RYR3: variants seen among roughly 807,000 people sequenced by gnomAD.
RYR3 encodes the protein brain ryanodine receptor-calcium release channel.
RYR3 carries 207 observed loss-of-function variants against 584.3 expected under a neutral mutation model. That is an observed-to-expected ratio of 0.35 (90% CI 0.32 to 0.40). RYR3 has a LOEUF of 0.40. RYR3 is among the 10% of genes least tolerant of loss of function. The pLI is 1.00. For missense variants in RYR3, 5,616 were observed against 6,089.2 expected, an observed-to-expected ratio of 0.92 and a Z score of 2.59; for synonymous variants, 2,416 against 2,248.5, an observed-to-expected ratio of 1.07 and a Z score of -2.11.
At chr15:33,725,986 A>AGCC (rs1567034042) in intron 45 of RYR3, among the ~76,000 whole-genome samples, 2 of 136,778 alleles carry the variant, frequency 1.5e-5, no homozygotes, top group East Asian at 4.1e-4. Context: ...CAAAAAAAAA[A>AGCC]AAAAAAAAAA....
chr15:33,477,799 C>T (rs1180428846), intron 2 of RYR3, among the ~76,000 whole-genome samples: 4 of 123,152 alleles, frequency 3.2e-5, no homozygotes, highest in Non-Finnish European at 4.6e-5. Flanking sequence ...GGCATGAACC[C>T]GGGAGGCGGA....
At chr15:33,442,489 A>T (rs2046309765) in intron 1 of RYR3, among the ~76,000 whole-genome samples, 1 of 152,228 alleles carries the variant, frequency 6.6e-6, no homozygotes, top group African/African-American at 2.4e-5. Context: ...CTATTTGAGA[A>T]TTTCGGTATG....
At chr15:33,649,449 G>A (rs2062324824) in intron 31 of RYR3, among the ~76,000 whole-genome samples, 1 of 152,204 alleles carries the variant, frequency 6.6e-6, no homozygotes, top group South Asian at 2.1e-4. Flanking sequence ...TGTATAAATC[G>A]TGACCCAGAG....
intron 94 of RYR3, chr15:33,852,253 C>CG (rs1270488679): frequency 1.3e-5 from 2 of 152,164 alleles, no homozygotes; most frequent in East Asian, 1.9e-4. Flanking sequence ...GGAACCCCCC[C>CG]ACAGGAAGGA....
intron 1 of RYR3, among the ~76,000 whole-genome samples, chr15:33,472,917 C>T (rs143823609): frequency 5.3e-5 from 8 of 152,196 alleles, no homozygotes; most frequent in Non-Finnish European, 7.4e-5. Flanking sequence ...GGCAAATATG[C>T]GGCCCACGAC....
At chr15:33,807,717 C>G (rs1401578963) in intron 70 of RYR3, 148 bp downstream of exon 70, 6 of 788,252 alleles carry the variant, frequency 7.6e-6, no homozygotes, top group Non-Finnish European at 1.1e-5. Flanking sequence ...GGGAAGACAA[C>G]TGCCTGTCAA....
Position 33,785,826 on chromosome 15 carries a change from T to A in RYR3, c.9433T>A (p.Trp3145Arg). Residue 3145 changes from tryptophan to arginine, a missense_variant, in exon 66 of 104, where the codon TGG becomes AGG. By Grantham distance (101) the Trp-to-Arg change is moderately radical (BLOSUM62 -3). Transcript: ENST00000634891. ...CATGCTCTGCAACTACTTGTCCTAC[T>A]GGTGGGAGCGGGGTCCTGAGAACCT... is the stretch of plus-strand genomic sequence containing the variant. The part of the protein sequence containing the change: ...LPMLCNYLSY[W>R]WERGPENLPP... The A allele has an allele frequency of 6.2e-7, 1 of 1,613,952 alleles. No homozygotes were observed. Among genetic ancestry groups the A allele is most frequent in the Non-Finnish European group, 8.5e-7 (1 of 1,179,876 alleles).
intron 65 of RYR3, among the ~76,000 whole-genome samples, chr15:33,785,401 C>T (rs1437647267): frequency 1.3e-5 from 2 of 152,164 alleles, no homozygotes; most frequent in African/African-American, 2.4e-5. Context: ...ATCCCTCATC[C>T]TTGTGTCTGC....
At chr15:33,341,390 C>A (rs992847985) in intron 1 of RYR3, among the ~76,000 whole-genome samples, 33 of 152,160 alleles carry the variant, frequency 2.2e-4, no homozygotes, top group African/African-American at 8.0e-4. Flanking sequence ...GCTGCTGCTG[C>A]TGCTGCTCTG....
At chr15:33,860,071 A>AGCAGAGGAGCTGG (rs2080172771) in intron 100 of RYR3, among the ~76,000 whole-genome samples, 1 of 152,008 alleles carries the variant, frequency 6.6e-6, no homozygotes, top group Admixed American at 6.6e-5. Context: ...GTAGGGTAGG[A>AGCAGAGGAGCTGG]GCAGAGGAGC....
intron 1 of RYR3, among the ~76,000 whole-genome samples, chr15:33,353,553 A>G (rs2140947928): frequency 6.6e-6 from 1 of 152,328 alleles, no homozygotes. Flanking sequence ...TGGTTTGCCC[A>G]AGACTGTCTT....
At chr15:33,577,294 G>A (rs964645189) in intron 12 of RYR3, among the ~76,000 whole-genome samples, 34 of 152,074 alleles carry the variant, frequency 2.2e-4, no homozygotes, top group African/African-American at 8.2e-4. Flanking sequence ...AACCAGAAAA[G>A]AACCCATATA....
intron 38 of RYR3, 129 bp from the exon 39 acceptor site, chr15:33,696,089 A>G (rs112827672): frequency 1.1e-5 from 9 of 808,496 alleles, no homozygotes; most frequent in African/African-American, 1.0e-4. Context: ...GCCACTGCAC[A>G]TTGCCTATAA....
At chr15:33,541,678 T>TTCTA (rs1388513807) in intron 7 of RYR3, among the ~76,000 whole-genome samples, 2 of 152,178 alleles carry the variant, frequency 1.3e-5, no homozygotes, top group Non-Finnish European at 2.9e-5. Flanking sequence ...TGCCGGTCTA[T>TTCTA]TCTATCATGT....
At chr15:33,827,140 C>A in intron 84 of RYR3, 59 bp from the exon 85 acceptor site, 1 of 1,207,084 alleles carries the variant, frequency 8.3e-7, no homozygotes, top group Non-Finnish European at 1.2e-6. Context: ...GCTGAGAGGG[C>A]ATGCTTGGCC....
intron 1 of RYR3, among the ~76,000 whole-genome samples, chr15:33,389,443 A>G (rs984711920): frequency 1.3e-5 from 2 of 152,214 alleles, no homozygotes; most frequent in African/African-American, 2.4e-5. Context: ...CTAGGGAATA[A>G]CAGCAGCTGG....
At chr15:33,646,291 G>C (rs2062097445) in intron 28 of RYR3, 60 bp from the exon 29 acceptor site, 1 of 1,456,906 alleles carries the variant, frequency 6.9e-7, no homozygotes. Context: ...GAGGGAAAAA[G>C]GGACTGGGTC....
chr15:33,683,929 A>C (rs1596140361), intron 38 of RYR3, among the ~76,000 whole-genome samples: 1 of 152,252 alleles, frequency 6.6e-6, no homozygotes, highest in South Asian at 2.1e-4. Context: ...GCCTGGCAGG[A>C]AGAGGGGCGT....
chr15:33,701,593 G>A (rs1428410745), intron 42 of RYR3, among the ~76,000 whole-genome samples: 1 of 152,054 alleles, frequency 6.6e-6, no homozygotes, highest in East Asian at 1.9e-4. Flanking sequence ...CTTGACCGGA[G>A]GGCTGACAGG....
Sources: gnomAD v4.1 joint callset for allele counts (sites outside exome capture counted in the v4.1 genomes callset) on GRCh38, gnomAD v4.1.1 for gene constraint, MANE v1.5 for transcripts, NCBI Gene and HGNC (gene_info 2026-07-23, HGNC 2026-07-21) for gene names.